Variants in EPHA6 observed in about 807,000 individuals in gnomAD.
EPHA6 encodes the protein ephrin type-A receptor 6.
A neutral mutation model predicts 112.0 loss-of-function variants in EPHA6; 50 were observed. The ratio of observed to expected loss-of-function variants is 0.45; its 90% CI spans 0.36 to 0.56. EPHA6 has a LOEUF of 0.56. Among genes scored for constraint, EPHA6 ranks in the 20% least tolerant of loss-of-function variants. EPHA6 has a pLI of 0.00. For synonymous variants in EPHA6, 529 were observed against 490.7 expected (o/e 1.08, Z -1.03); for missense variants, 1,280 against 1,417.4 (o/e 0.90, Z 1.56).
chr3:97,540,544 T>A (rs1335104943), intron 11 of EPHA6, among the ~76,000 whole-genome samples: 1 of 152,184 alleles, frequency 6.6e-6, no homozygotes, highest in African/African-American at 2.4e-5. Flanking sequence ...TTTCTCAAGG[T>A]CATTCATTCA....
rs185419113 is a variant in EPHA6, at chr3:97,696,087, C to A, written c.2785-24174C>A. Among the ~76,000 whole-genome samples, 3 of 152,320 alleles carry A rather than the reference C, an allele frequency of 2.0e-5. No individual in the cohort carries two copies. In the East Asian group the frequency reaches 5.8e-4, roughly 29 times the overall value. On this transcript the variant is annotated intron_variant, in intron 14 of 17. Coordinates refer to ENST00000389672, the MANE Select transcript of EPHA6 (RefSeq NM_001080448.3). ...AATCACAGAAATCACAAGTCTGACA[C>A]CAAACTTAAATTAGAATAGCCAGAC...
chr3:97,254,790 C>CAG (rs2079253904), intron 5 of EPHA6, among the ~76,000 whole-genome samples: 1 of 152,140 alleles, frequency 6.6e-6, no homozygotes, highest in South Asian at 2.1e-4. Context: ...TTAAGATGGT[C>CAG]TTCCTGAAAT....
chr3:97,475,884 G>T (rs1027207844), intron 8 of EPHA6, among the ~76,000 whole-genome samples: 4 of 151,756 alleles, frequency 2.6e-5, no homozygotes, highest in Non-Finnish European at 5.9e-5. Flanking sequence ...TATATTAATT[G>T]GTTTTATAAA....
rs538351035 is a variant in EPHA6, at chr3:97,752,471, T to G, written c.*3770T>G. The G allele has an allele frequency of 1.1e-4, 24 of 221,256 alleles. No individual in the cohort carries two copies. In the South Asian group the frequency reaches 4.4e-3, roughly 41 times the overall value. 13.7% of individuals were successfully genotyped at this position (221,256 alleles called of 1,614,324 possible). On this transcript the variant is annotated 3_prime_UTR_variant, in exon 18 of 18. Transcript: ENST00000389672. Reference sequence around the variant, plus strand: ...ATTTTCTAAAACTTTCTCAGCCCTGTTTTTAATTCCCCCATCCTCTCTCTT... The same window carrying G: ...ATTTTCTAAAACTTTCTCAGCCCTGGTTTTAATTCCCCCATCCTCTCTCTT...
At chr3:96,965,317 ACTTAC>A (rs754576881) in intron 2 of EPHA6, among the ~76,000 whole-genome samples, 38 of 152,224 alleles carry the variant, frequency 2.5e-4, no homozygotes, top group Middle Eastern at 6.8e-3. Flanking sequence ...AAGGCTTCTT[ACTTAC>A]CTACCTCCCT....
At chr3:97,304,942 G>A (rs1031425672) in intron 5 of EPHA6, among the ~76,000 whole-genome samples, 2 of 152,052 alleles carry the variant, frequency 1.3e-5, no homozygotes, top group Non-Finnish European at 2.9e-5. Flanking sequence ...TATCATCAGA[G>A]TGAACAGAAA....
intron 13 of EPHA6, among the ~76,000 whole-genome samples, chr3:97,622,987 T>C (rs2093825874): frequency 6.6e-6 from 1 of 151,706 alleles, no homozygotes; most frequent in Admixed American, 6.6e-5. Flanking sequence ...GAGTTCTCTA[T>C]ATAGGATGGA....
At chr3:97,541,654 AC>A (rs1460133284) in intron 11 of EPHA6, among the ~76,000 whole-genome samples, 23 of 148,810 alleles carry the variant, frequency 1.5e-4, no homozygotes, top group African/African-American at 4.2e-4. Flanking sequence ...TGACCTTGAA[AC>A]CTTTCATGTG....
chr3:96,902,495 A>G (rs944895548), intron 2 of EPHA6, among the ~76,000 whole-genome samples: 27 of 152,242 alleles, frequency 1.8e-4, no homozygotes, highest in Non-Finnish European at 2.9e-4. Flanking sequence ...TCTTCAAATT[A>G]CTGACTTTCC....
At chr3:96,994,383 G>A (rs1291018091) in intron 3 of EPHA6, among the ~76,000 whole-genome samples, 1 of 151,962 alleles carries the variant, frequency 6.6e-6, no homozygotes, top group Non-Finnish European at 1.5e-5. Context: ...TCTACTTAAT[G>A]TCAGACTTTT....
Position 97,427,839 on chromosome 3 carries a change from G to A in EPHA6, c.1732-20729G>A, listed in dbSNP as rs149454421. 6.1e-3 allele frequency among the ~76,000 whole-genome samples: 931 copies of A among 151,568 alleles called. 12 individuals are homozygous for A. Among genetic ancestry groups the A allele is most frequent in the African/African-American group, 0.021 (857 of 41,324 alleles). ...AGGAGGAGAAAACCAAATACTGCAC[G>A]TTCTCACTTATAAGTGGTAGTTAAA... On this transcript the variant is annotated intron_variant, in intron 6 of 17. Transcript: ENST00000389672.
intron 14 of EPHA6, among the ~76,000 whole-genome samples, chr3:97,674,677 A>G (rs2031187422): frequency 6.6e-6 from 1 of 152,214 alleles, no homozygotes; most frequent in African/African-American, 2.4e-5. Flanking sequence ...GGAAACGGTT[A>G]TTTGAGCCTA....
At chr3:97,277,085 A>C (rs895967210) in intron 5 of EPHA6, among the ~76,000 whole-genome samples, 1 of 152,058 alleles carries the variant, frequency 6.6e-6, no homozygotes, top group Admixed American at 6.6e-5. Flanking sequence ...AAAAGGAAGA[A>C]AGACTCAGTG....
At chr3:97,559,723 T>C in intron 11 of EPHA6, 1 of 427,250 alleles carries the variant, frequency 2.3e-6, no homozygotes, top group South Asian at 1.7e-5. Flanking sequence ...CTTCCTTATT[T>C]TTTGCATGGA....
intron 7 of EPHA6, among the ~76,000 whole-genome samples, chr3:97,455,287 C>A (rs2090646092): frequency 6.6e-6 from 1 of 151,908 alleles, no homozygotes; most frequent in South Asian, 2.1e-4. Context: ...TTTTTAAAAT[C>A]TTTTCTGGTT....
In EPHA6 at chr3:97,708,195, C is replaced by T. The variant is rs4287942; in HGVS notation, c.2785-12066C>T. ...TTGTTGAATGGTTTTGACCAAAATG[C>T]TGATAGTGATATGGACAATGATATC... On this transcript the variant is annotated intron_variant, in intron 14 of 17. Coordinates refer to ENST00000389672, the MANE Select transcript of EPHA6 (RefSeq NM_001080448.3). 2.6e-3 allele frequency among the ~76,000 whole-genome samples: 392 copies of T among 152,292 alleles called. 3 individuals carry two copies. Among genetic ancestry groups the T allele is most frequent in the South Asian group, 0.019 (91 of 4,824 alleles).
chr3:97,701,073 G>A (rs2033357393), intron 14 of EPHA6, among the ~76,000 whole-genome samples: 1 of 152,150 alleles, frequency 6.6e-6, no homozygotes, highest in Non-Finnish European at 1.5e-5. Flanking sequence ...GTAATAAGTG[G>A]TTGTTCAGGA....
chr3:96,995,798 G>C (rs2043399430), intron 3 of EPHA6, among the ~76,000 whole-genome samples: 3 of 152,122 alleles, frequency 2.0e-5, no homozygotes, highest in Non-Finnish European at 4.4e-5. Flanking sequence ...CCTTCAGCAA[G>C]TCATAATCAT....
chr3:96,954,012 A>G (rs529161137), intron 2 of EPHA6, among the ~76,000 whole-genome samples: 84 of 152,148 alleles, frequency 5.5e-4, no homozygotes, highest in Middle Eastern at 3.4e-3. Flanking sequence ...AGCTGGGACT[A>G]CAGGCATGTG....
Sources: gnomAD v4.1 joint callset for allele counts (sites outside exome capture counted in the v4.1 genomes callset) on GRCh38, gnomAD v4.1.1 for gene constraint, MANE v1.5 for transcripts, NCBI Gene and HGNC (gene_info 2026-07-23, HGNC 2026-07-21) for gene names.